The following EYA2 variants were observed in gnomAD, a reference collection of about 807,000 sequenced individuals.
EYA2 encodes protein phosphatase EYA2.
In EYA2, 31 loss-of-function variants were observed where a neutral mutation model predicts 69.2. That is an observed-to-expected ratio of 0.45 (90% confidence interval 0.34 to 0.60). EYA2 has a LOEUF of 0.60. EYA2 is among the 20% of genes least tolerant of loss of function. EYA2 has a pLI of 0.02. For missense variants in EYA2, 622 were observed against 701.2 expected, an observed-to-expected ratio of 0.89 and a Z score of 1.28; for synonymous variants, 257 against 279.4, an observed-to-expected ratio of 0.92 and a Z score of 0.80.
intron 12 of EYA2, 76 bp from the exon 13 acceptor site, chr20:47,179,722 T>C (rs2034501341): frequency 9.8e-7 from 1 of 1,019,328 alleles, no homozygotes; most frequent in Non-Finnish European, 1.5e-6. Context: ...GTACAGTAGC[T>C]AGATTCCTGT....
chr20:47,052,394 G>C (rs922745397), intron 5 of EYA2, among the ~76,000 whole-genome samples: 8 of 152,186 alleles, frequency 5.3e-5, no homozygotes, highest in Non-Finnish European at 1.0e-4. Context: ...GGTCCTGGCA[G>C]CATCAGCATC....
At chr20:46,967,435 T>C (rs977048732) in intron 1 of EYA2, among the ~76,000 whole-genome samples, 1 of 152,210 alleles carries the variant, frequency 6.6e-6, no homozygotes, top group Admixed American at 6.5e-5. Context: ...AATGTCATGA[T>C]TGACAAGTTC....
intron 9 of EYA2, among the ~76,000 whole-genome samples, chr20:47,101,080 T>A (rs1162946382): frequency 6.6e-6 from 1 of 152,182 alleles, no homozygotes; most frequent in Non-Finnish European, 1.5e-5. Flanking sequence ...CCCTCTTTTT[T>A]TATTATTTTT....
At chr20:47,129,798 C>T (rs2033291219) in intron 9 of EYA2, among the ~76,000 whole-genome samples, 1 of 152,156 alleles carries the variant, frequency 6.6e-6, no homozygotes, top group African/African-American at 2.4e-5. Flanking sequence ...TGACAACATG[C>T]AAATAAAGTG....
Position 47,109,706 on chromosome 20 carries a change from CA to C in EYA2, c.888+12539del, listed in dbSNP as rs1236690627. ...CCTGCACTATGGTTTTAGATCCTCC[CA>C]CATTGCCATACATACAACTCTATCA... On this transcript the variant is annotated intron_variant, in intron 9 of 15. Coordinates refer to ENST00000327619, the MANE Select transcript of EYA2 (RefSeq NM_005244.5). 2.0e-5 allele frequency among the ~76,000 whole-genome samples: 3 copies of C among 152,140 alleles called. No homozygotes were observed. In the East Asian group the frequency reaches 5.8e-4, roughly 29 times the overall value.
chr20:46,965,409 C>A (rs1182669388), intron 1 of EYA2, among the ~76,000 whole-genome samples: 1 of 152,248 alleles, frequency 6.6e-6, no homozygotes, highest in Non-Finnish European at 1.5e-5. Context: ...GCTTCCAGCC[C>A]AGGCAGGCCG....
Position 46,901,986 on chromosome 20 carries a change from C to T in EYA2, c.-11+6999C>T, listed in dbSNP as rs548719462. 5.3e-5 allele frequency among the ~76,000 whole-genome samples: 8 copies of T among 152,208 alleles called. 1 individual carries two copies. Among genetic ancestry groups the T allele is most frequent in the East Asian group, 1.9e-4 (1 of 5,182 alleles). On this transcript the variant is annotated intron_variant, in intron 1 of 15. Coordinates refer to ENST00000327619, the MANE Select transcript of EYA2 (RefSeq NM_005244.5). ...AATGGCTGGGGTGTGGAGAGAAGAC[C>T]GGTAGGAGGGGAGAAAGAATGCCTT...
At chr20:47,125,281 T>G (rs2033159003) in intron 9 of EYA2, among the ~76,000 whole-genome samples, 1 of 152,024 alleles carries the variant, frequency 6.6e-6, no homozygotes, top group African/African-American at 2.4e-5. Flanking sequence ...GGTCTTGATC[T>G]CCTGACCTCG....
intron 9 of EYA2, among the ~76,000 whole-genome samples, chr20:47,138,530 G>A (rs886650641): frequency 1.1e-4 from 17 of 151,906 alleles, no homozygotes; most frequent in Non-Finnish European, 2.1e-4. Flanking sequence ...TGGGTGGATC[G>A]CTTGAGCTCA....
At chr20:47,037,185 G>A (rs1375802395) in intron 5 of EYA2, among the ~76,000 whole-genome samples, 7 of 152,118 alleles carry the variant, frequency 4.6e-5, no homozygotes, top group Non-Finnish European at 7.4e-5. Context: ...ACAGTATGGG[G>A]GAAACCACCC....
chr20:47,140,225 TTCCC>T (rs1413102889), intron 9 of EYA2, among the ~76,000 whole-genome samples: 8 of 152,194 alleles, frequency 5.3e-5, no homozygotes, highest in African/African-American at 1.7e-4. Context: ...TCACACACGA[TTCCC>T]TCCTAGGCCC....
chr20:47,188,668 C>G lies in EYA2; in HGVS notation c.*535C>G. On this transcript the variant is annotated 3_prime_UTR_variant, in exon 16 of 16. Coordinates refer to ENST00000327619, the MANE Select transcript of EYA2 (RefSeq NM_005244.5). ...TTGAACATTAGAGAGGAAGGCAGTTCAAGCTGTTGAAAAGACTATTGCTTA... is the reference window on the plus strand; with the variant it reads ...TTGAACATTAGAGAGGAAGGCAGTTGAAGCTGTTGAAAAGACTATTGCTTA... 6.8e-6 allele frequency: 2 copies of G among 294,988 alleles called. No homozygotes were observed. Among genetic ancestry groups the G allele is most frequent in the Non-Finnish European group, 6.3e-6 (1 of 158,850 alleles). The allele number at this position is 294,988 out of a possible 1,614,324, so 18.3% of individuals were successfully genotyped here.
At chr20:47,062,036 G>T (rs1297974662) in intron 5 of EYA2, among the ~76,000 whole-genome samples, 1 of 152,124 alleles carries the variant, frequency 6.6e-6, no homozygotes, top group Non-Finnish European at 1.5e-5. Context: ...GGGACTGTCT[G>T]GGAGGAAGAA....
At chr20:46,967,779 A>G (rs921169275) in intron 1 of EYA2, among the ~76,000 whole-genome samples, 3 of 152,204 alleles carry the variant, frequency 2.0e-5, no homozygotes, top group African/African-American at 4.8e-5. Flanking sequence ...CACAATGACA[A>G]TTGGCACTTG....
chr20:47,069,885 T>G (rs1307962069), intron 5 of EYA2, among the ~76,000 whole-genome samples: 1 of 152,092 alleles, frequency 6.6e-6, no homozygotes, highest in East Asian at 1.9e-4. Context: ...TATGAAAAGA[T>G]GAATTTAAGT....
intron 10 of EYA2, among the ~76,000 whole-genome samples, chr20:47,155,424 T>G (rs1239727241): frequency 2.6e-5 from 4 of 151,894 alleles, no homozygotes; most frequent in African/African-American, 9.7e-5. Flanking sequence ...ACAATCCCGA[T>G]GGGAGCTAGT....
In EYA2 at chr20:47,074,296, T is replaced by C. The variant is rs766835345; in HGVS notation, c.622T>C (p.Ser208Pro). 1 of 1,614,088 alleles carries C rather than the reference T, an allele frequency of 6.2e-7. No individual in the cohort carries two copies. Among genetic ancestry groups the C allele is most frequent in the Admixed American group, 1.7e-5 (1 of 60,012 alleles). The stretch of plus-strand genomic sequence containing the variant: ...GTCCACCTACGTCCTCCAGGAGGCA[T>C]CTCACAACGTCCCCAACCAGAGTTC... ...STSTYVLQEASHNVPNQSSES... is the reference protein window; with the variant it reads ...STSTYVLQEAPHNVPNQSSES... Residue 208 changes from serine (S) to proline (P), a missense_variant, in exon 7 of 16, where the codon TCT becomes CCT. Ser to Pro is a moderately conservative substitution (Grantham distance 74). This residue lies in a region of EYA2 where 365 missense variants were observed against 349.7 expected (regional missense o/e 1.04). Coordinates refer to ENST00000327619, the MANE Select transcript of EYA2 (RefSeq NM_005244.5).
chr20:47,157,939 A>G (rs2033989047), intron 10 of EYA2, among the ~76,000 whole-genome samples: 1 of 151,974 alleles, frequency 6.6e-6, no homozygotes, highest in Non-Finnish European at 1.5e-5. Context: ...GACTAACATC[A>G]CCCTAAAGCT....
intron 1 of EYA2, among the ~76,000 whole-genome samples, chr20:46,985,928 T>G (rs193222953): frequency 3.9e-5 from 6 of 152,360 alleles, no homozygotes; most frequent in Admixed American, 2.6e-4. Context: ...AATTTGCTGC[T>G]TCTAATACTC....
Sources: allele counts gnomAD v4.1 joint callset (sites outside exome capture counted in the v4.1 genomes callset), GRCh38; gene constraint gnomAD v4.1.1; regional missense constraint gnomAD v4.1.1; transcripts MANE v1.5; gene names NCBI Gene and HGNC (gene_info 2026-07-23, HGNC 2026-07-21).